Variants in CDH18 observed in about 807,000 individuals in gnomAD.
The protein encoded by CDH18 is cadherin-18.
In CDH18, 31 loss-of-function variants were observed where a neutral mutation model predicts 67.9. The observed-to-expected ratio is 0.46, with a 90% CI of 0.34 to 0.62. The LOEUF (loss-of-function observed/expected upper bound fraction) is 0.62. Among genes scored for constraint, CDH18 ranks in the 20% least tolerant of loss-of-function variants. The pLI is 0.01. For synonymous variants in CDH18, 362 were observed against 347.2 expected, an observed-to-expected ratio of 1.04 and a Z score of -0.48; for missense variants, 890 against 975.5, an observed-to-expected ratio of 0.91 and a Z score of 1.17.
chr5:19,964,419 GA>G (rs541619780), intron 2 of CDH18, among the ~76,000 whole-genome samples: 2,118 of 119,816 alleles, frequency 0.018, 65 homozygotes, highest in African/African-American at 0.054. Flanking sequence ...TGTCTCTACA[GA>G]AAAAAAAAAA....
chr5:20,446,395 C>CT (rs1243108125), intron 1 of CDH18, among the ~76,000 whole-genome samples: 2 of 152,008 alleles, frequency 1.3e-5, no homozygotes, highest in East Asian at 3.9e-4. Flanking sequence ...ATCTAACTAC[C>CT]TAACAAACCC....
intron 1 of CDH18, among the ~76,000 whole-genome samples, chr5:20,334,114 T>A (rs1435948749): frequency 5.4e-5 from 8 of 149,490 alleles, no homozygotes; most frequent in Admixed American, 2.0e-4. Context: ...TTTAAATGTA[T>A]AAATCTGACT....
At chr5:20,519,966 TTTTTTTTTTTTTTTTG>T (rs1755640317) in intron 1 of CDH18, among the ~76,000 whole-genome samples, 1 of 96,274 alleles carries the variant, frequency 1.0e-5, no homozygotes, top group African/African-American at 4.0e-5. Flanking sequence ...TTTTTTTTTT[TTTTTTTTTTTTTTTTG>T]TATTTTTGGT....
rs191548244 is a variant in CDH18, at chr5:20,424,093, G to A, written c.-580+151369C>T. 3.7e-3 allele frequency among the ~76,000 whole-genome samples: 547 copies of A among 149,496 alleles called. 7 individuals are homozygous for A. Among genetic ancestry groups the A allele is most frequent in the Admixed American group, 6.7e-3 (101 of 15,136 alleles). ...CAATTACAGCAGAAAAAAATGAGAC[G>A]ATCAACCCAGAAGGACTACACAAAG... On this transcript the variant is annotated intron_variant, in intron 1 of 14. Coordinates refer to the CDH18 transcript ENST00000507958.
chr5:20,384,269 T>A (rs1347184824), intron 1 of CDH18, among the ~76,000 whole-genome samples: 1 of 152,170 alleles, frequency 6.6e-6, no homozygotes, highest in Non-Finnish European at 1.5e-5. Flanking sequence ...TCACAGCGCC[T>A]GGAAACCAGC....
intron 1 of CDH18, among the ~76,000 whole-genome samples, chr5:20,335,183 C>T (rs1482631464): frequency 1.3e-5 from 2 of 152,100 alleles, no homozygotes; most frequent in East Asian, 1.9e-4. Context: ...GATGCTTCAT[C>T]ACTCTTCCCT....
chr5:20,489,785 G>C (rs1428380276), intron 1 of CDH18, among the ~76,000 whole-genome samples: 1 of 151,764 alleles, frequency 6.6e-6, no homozygotes, highest in Non-Finnish European at 1.5e-5. Context: ...AAGTTCTGTA[G>C]CTGACAAAAT....
chr5:19,604,149 T>G (rs1747639709), intron 6 of CDH18, among the ~76,000 whole-genome samples: 1 of 152,028 alleles, frequency 6.6e-6, no homozygotes, highest in Non-Finnish European at 1.5e-5. Context: ...GCTTGTCCCT[T>G]TTAATATACT....
chr5:20,569,796 A>T (rs1292507901), intron 1 of CDH18, among the ~76,000 whole-genome samples: 1 of 152,230 alleles, frequency 6.6e-6, no homozygotes, highest in Non-Finnish European at 1.5e-5. Context: ...CAGTAGATGA[A>T]TGAATAAACA....
At chr5:20,501,991 T>A (rs1754363786) in intron 1 of CDH18, among the ~76,000 whole-genome samples, 1 of 151,956 alleles carries the variant, frequency 6.6e-6, no homozygotes, top group South Asian at 2.1e-4. Context: ...ATGAATTTGC[T>A]ATTAGAAGGT....
intron 2 of CDH18, among the ~76,000 whole-genome samples, chr5:20,183,642 TTTTG>T (rs777957861): frequency 4.6e-5 from 7 of 152,068 alleles, no homozygotes; most frequent in Non-Finnish European, 1.0e-4. Flanking sequence ...TTCAAAATCT[TTTTG>T]TTTATCTTTA....
chr5:19,985,201 T>G (rs1168880869), intron 1 of CDH18, among the ~76,000 whole-genome samples: 1 of 152,112 alleles, frequency 6.6e-6, no homozygotes, highest in Non-Finnish European at 1.5e-5. Context: ...CACAGTACTG[T>G]GTTAGGGATC....
intron 2 of CDH18, among the ~76,000 whole-genome samples, chr5:20,242,632 A>ATATG (rs1561906057): frequency 3.1e-5 from 4 of 127,282 alleles, no homozygotes; most frequent in African/African-American, 1.3e-4. Context: ...ATATATATAT[A>ATATG]TGTATATATA....
At chr5:20,163,070 T>C (rs1050732473) in intron 2 of CDH18, among the ~76,000 whole-genome samples, 19 of 151,574 alleles carry the variant, frequency 1.3e-4, no homozygotes, top group African/African-American at 4.6e-4. Flanking sequence ...AATAAATAAA[T>C]AAATAAATAA....
At chr5:20,161,312 G>A (rs1031572003) in intron 2 of CDH18, among the ~76,000 whole-genome samples, 4 of 152,280 alleles carry the variant, frequency 2.6e-5, no homozygotes, top group African/African-American at 7.2e-5. Flanking sequence ...GCCTCTCATA[G>A]TTCAGTAGAC....
At chr5:20,213,984 GCAAAGTA>G (rs1409851222) in intron 2 of CDH18, among the ~76,000 whole-genome samples, 3 of 152,046 alleles carry the variant, frequency 2.0e-5, no homozygotes, top group African/African-American at 7.2e-5. Context: ...ACAGAATTCA[GCAAAGTA>G]TCATGATACA....
intron 1 of CDH18, among the ~76,000 whole-genome samples, chr5:20,484,638 A>T (rs1183863516): frequency 6.6e-6 from 1 of 152,084 alleles, no homozygotes; most frequent in African/African-American, 2.4e-5. Context: ...AACAACATGG[A>T]TGGAATTGGA....
intron 11 of CDH18, 29 bp from the exon 12 acceptor site, chr5:19,483,581 C>G (rs540303369): frequency 6.4e-7 from 1 of 1,555,306 alleles, no homozygotes; most frequent in South Asian, 1.2e-5. Context: ...AAACAAAATA[C>G]ACTTAGTCAA....
chr5:20,180,013 G>T (rs984583677), intron 2 of CDH18, among the ~76,000 whole-genome samples: 14 of 152,118 alleles, frequency 9.2e-5, no homozygotes, highest in Non-Finnish European at 1.8e-4. Context: ...AAATGCTCCT[G>T]ATTATTGTAA....
Sources: gnomAD v4.1 joint callset for allele counts (sites outside exome capture counted in the v4.1 genomes callset) on GRCh38, gnomAD v4.1.1 for gene constraint, MANE v1.5 for transcripts, NCBI Gene and HGNC (gene_info 2026-07-23, HGNC 2026-07-21) for gene names.